The following DDC variants were observed in gnomAD, a reference collection of about 807,000 sequenced individuals.
DDC encodes the protein dopa decarboxylase, also known as aromatic-L-amino-acid decarboxylase.
DDC carries 43 observed loss-of-function variants against 60.0 expected under a neutral mutation model. The observed-to-expected ratio is 0.72, with a 90% confidence interval of 0.56 to 0.92. The LOEUF (loss-of-function observed/expected upper bound fraction) is 0.92, where lower values mean the gene tolerates loss of function less well. Among genes scored for constraint, DDC ranks in the 40% least tolerant of loss-of-function variants. The pLI is 0.00. For missense variants in DDC, 573 were observed against 620.2 expected (o/e 0.92, Z 0.81); for synonymous variants, 232 against 234.6 (o/e 0.99, Z 0.10).
At chr7:50,543,725 A>G (rs1345074816) in intron 2 of DDC, among the ~76,000 whole-genome samples, 160 bp downstream of exon 2, 1 of 152,200 alleles carries the variant, frequency 6.6e-6, no homozygotes, top group Non-Finnish European at 1.5e-5. Flanking sequence ...AACCTCTCTG[A>G]GCCTCAGTTT....
chr7:50,554,912 C>T (rs184005399), intron 1 of DDC, among the ~76,000 whole-genome samples: 15 of 152,232 alleles, frequency 9.9e-5, no homozygotes, highest in Admixed American at 5.2e-4. Context: ...CATGGCACTG[C>T]GGGGGAGAAG....
chr7:50,507,057 C>T (rs529020673), intron 6 of DDC, among the ~76,000 whole-genome samples: 11 of 152,308 alleles, frequency 7.2e-5, no homozygotes, highest in African/African-American at 2.4e-4. Flanking sequence ...GCATGAGAGT[C>T]TTAGAATGCC....
At chr7:50,537,744 C>T (rs755067478) in intron 4 of DDC, 116 bp downstream of exon 4, 53 of 1,362,656 alleles carry the variant, frequency 3.9e-5, no homozygotes, top group Admixed American at 5.0e-5. Context: ...TGTTTATTCT[C>T]CAGGAGAAAT....
At chr7:50,466,686 G>T (rs1417861660) in intron 13 of DDC, among the ~76,000 whole-genome samples, 1 of 152,104 alleles carries the variant, frequency 6.6e-6, no homozygotes, top group Non-Finnish European at 1.5e-5. Flanking sequence ...GCCCTCACCT[G>T]GTGAATGCAC....
At position 50,461,054 on chromosome 7, in the gene DDC, AAAAT is replaced by A. The variant is rs1265203238; in HGVS notation, c.*18+2155_*18+2158del. On this transcript the variant is annotated intron_variant, in intron 14 of 14. Coordinates refer to ENST00000444124, the MANE Select transcript of DDC (RefSeq NM_001082971.2). ...CACCCAAGAATGATCAATAAAAAAA[AAAAT>A]AAATAAATAAATAAAAATTAAAAAA... is the stretch of plus-strand genomic sequence containing the variant. Among the ~76,000 whole-genome samples, 848 of 151,752 alleles carry A rather than the reference AAAAT, an allele frequency of 5.6e-3. 9 individuals carry two copies. The highest frequency in any genetic ancestry group is 7.4e-3 in the Non-Finnish European group (503 of 67,956).
intron 14 of DDC, among the ~76,000 whole-genome samples, chr7:50,460,211 G>T (rs1285894601): frequency 6.9e-6 from 1 of 145,186 alleles, no homozygotes; most frequent in Non-Finnish European, 1.5e-5. Context: ...GGCCCGGCCA[G>T]CCGCCCCGTC....
chr7:50,483,179 T>G (rs957008051), intron 9 of DDC, among the ~76,000 whole-genome samples: 1 of 152,192 alleles, frequency 6.6e-6, no homozygotes, highest in Non-Finnish European at 1.5e-5. Context: ...AGAAGTTCTC[T>G]GCTGTTCCGA....
rs111396280 is a variant in DDC at position 50,510,689 on chromosome 7, G to A, written c.715-6630C>T. On this transcript the variant is annotated intron_variant, in intron 6 of 14. Coordinates refer to ENST00000444124, the MANE Select transcript of DDC (RefSeq NM_001082971.2). The stretch of plus-strand genomic sequence containing the variant: ...ATCTCAAAAAAAAAAAAAAAAAAAT[G>A]TAAGTAAGATGGCAGGGCACGGTGG... Among the ~76,000 whole-genome samples the A allele has an allele frequency of 2.1e-3, 248 of 118,924 alleles. 1 individual carries two copies. Among genetic ancestry groups the A allele is most frequent in the African/African-American group, 7.8e-3 (238 of 30,670 alleles). 78.0% of individuals were successfully genotyped at this position (118,924 alleles called of 152,430 possible).
chr7:50,555,326 C>G (rs1438029740), intron 1 of DDC, among the ~76,000 whole-genome samples: 1 of 152,190 alleles, frequency 6.6e-6, no homozygotes, highest in African/African-American at 2.4e-5. Context: ...AGACCCAGGA[C>G]AGGCTGACAT....
At chr7:50,493,339 AG>A (rs1267433114) in intron 9 of DDC, among the ~76,000 whole-genome samples, 3 of 152,164 alleles carry the variant, frequency 2.0e-5, no homozygotes, top group African/African-American at 4.8e-5. Flanking sequence ...GCCCTGCTCA[AG>A]GGTGGTTCTA....
rs1554427483 is a variant in DDC at position 50,517,837 on chromosome 7, A to AAAC, written c.714+10299_714+10300insGTT. Among the ~76,000 whole-genome samples, 1,367 of 151,484 alleles carry AAAC rather than the reference A, an allele frequency of 9.0e-3. 28 individuals are homozygous for AAAC. Among genetic ancestry groups the AAAC allele is most frequent in the African/African-American group, 0.03 (1,247 of 41,190 alleles). Reference sequence around the variant, plus strand: ...CTTTTATAATAGCTAAAAAAAAAAAAAAAAAAAAACCTTAGGAATATACCT... The same window carrying AAAC: ...CTTTTATAATAGCTAAAAAAAAAAAAAACAAAAAAAAACCTTAGGAATATACCT... On this transcript the variant is annotated intron_variant, in intron 6 of 14. Transcript: ENST00000444124.
At chr7:50,477,781 C>T (rs539607300) in intron 10 of DDC, among the ~76,000 whole-genome samples, 1 of 152,296 alleles carries the variant, frequency 6.6e-6, no homozygotes, top group Non-Finnish European at 1.5e-5. Context: ...CGACACATGG[C>T]CTCTCATTAG....
chr7:50,459,325 C>T (rs555439377), intron 14 of DDC, among the ~76,000 whole-genome samples: 1,731 of 152,350 alleles, frequency 0.011, 38 homozygotes, highest in African/African-American at 0.04. Context: ...ACCTCCCAGC[C>T]GCCTGCCTTG....
At chr7:50,537,824 G>A in intron 4 of DDC, 36 bp downstream of exon 4, 1 of 1,613,762 alleles carries the variant, frequency 6.2e-7, no homozygotes, top group Non-Finnish European at 8.5e-7. Context: ...CAGAGCCCAT[G>A]CATCCCAAAA....
intron 8 of DDC, among the ~76,000 whole-genome samples, chr7:50,496,660 C>T (rs762887496): frequency 2.0e-5 from 3 of 152,116 alleles, no homozygotes; most frequent in Non-Finnish European, 2.9e-5. Flanking sequence ...GAACAGGGTC[C>T]ACCTTAATGG....
At chr7:50,560,195 G>A (rs2045309866) in intron 1 of DDC, among the ~76,000 whole-genome samples, 1 of 152,148 alleles carries the variant, frequency 6.6e-6, no homozygotes, top group Admixed American at 6.5e-5. Context: ...ACCAGCTTTT[G>A]TGCAGTGATT....
At chr7:50,459,305 T>G (rs1359566101) in intron 14 of DDC, among the ~76,000 whole-genome samples, 1 of 152,200 alleles carries the variant, frequency 6.6e-6, no homozygotes, top group Non-Finnish European at 1.5e-5. Context: ...CTCGGCTCGC[T>G]ACAACCTCCA....
intron 1 of DDC, among the ~76,000 whole-genome samples, chr7:50,555,388 A>G (rs1446631563): frequency 6.6e-6 from 1 of 152,088 alleles, no homozygotes; most frequent in East Asian, 1.9e-4. Flanking sequence ...GCTCATTTTA[A>G]AAGGGAGGGA....
chr7:50,501,273 G>C lies in DDC; in HGVS notation c.782-2031C>G, dbSNP rs116327874. ...GGCACCTCAGGATGCAGCTTTGGCT[G>C]CCTGCCCTGTGCTATTCCCTTCCTC... is the stretch of plus-strand genomic sequence containing the variant. On this transcript the variant is annotated intron_variant, in intron 7 of 14. Transcript: ENST00000444124. 5.5e-3 allele frequency among the ~76,000 whole-genome samples: 836 copies of C among 152,312 alleles called. 8 individuals carry two copies. The highest frequency in any genetic ancestry group is 0.019 in the African/African-American group (806 of 41,570).
Sources: allele counts gnomAD v4.1 joint callset (sites outside exome capture counted in the v4.1 genomes callset), GRCh38; gene constraint gnomAD v4.1.1; transcripts MANE v1.5; gene names NCBI Gene and HGNC (gene_info 2026-07-23, HGNC 2026-07-21).